NASP: variants seen among roughly 807,000 people sequenced by gnomAD.
The protein encoded by NASP is nuclear autoantigenic sperm protein.
In NASP, 24 loss-of-function variants were observed where a neutral mutation model predicts 89.5. That is an observed-to-expected ratio of 0.27 (90% CI 0.19 to 0.38). The LOEUF is 0.38. Among genes scored for constraint, NASP ranks in the 10% least tolerant of loss-of-function variants. The pLI, the probability that NASP is intolerant of heterozygous loss-of-function variation, is 1.00. For missense variants in NASP, 848 were observed against 921.4 expected, an observed-to-expected ratio of 0.92 and a Z score of 1.03; for synonymous variants, 306 against 324.7, an observed-to-expected ratio of 0.94 and a Z score of 0.62.
chr1:45,602,285 A>G lies in NASP; in HGVS notation c.138A>G (p.Leu46=), dbSNP rs1053790554. The change falls in exon 3 of 15, where the codon CTA becomes CTG. Residue 46 remains leucine, a synonymous_variant. Coordinates refer to ENST00000350030, the MANE Select transcript of NASP (RefSeq NM_002482.4). ...SLDVDSEAKK[L]LGLGQKHLVM... ...ATGTGGATAGTGAAGCTAAGAAACTATTGGGTTTAGGACAGAAACATCTGG... is the reference window on the plus strand; with the variant it reads ...ATGTGGATAGTGAAGCTAAGAAACTGTTGGGTTTAGGACAGAAACATCTGG... 5.0e-6 allele frequency: 8 copies of G among 1,613,526 alleles called. No homozygotes were observed. The highest frequency in any genetic ancestry group is 2.7e-5 in the African/African-American group (2 of 74,916).
At chr1:45,585,443 G>T (rs931260873) in intron 1 of NASP, among the ~76,000 whole-genome samples, 2 of 152,078 alleles carry the variant, frequency 1.3e-5, no homozygotes, top group African/African-American at 2.4e-5. Context: ...CTGCGTTCTT[G>T]TAGAGCAGTG....
intron 1 of NASP, among the ~76,000 whole-genome samples, chr1:45,584,853 C>T (rs987858780): frequency 6.6e-6 from 1 of 152,210 alleles, no homozygotes; most frequent in African/African-American, 2.4e-5. Context: ...GGCTAGTTCC[C>T]CCCGACACCT....
intron 2 of NASP, among the ~76,000 whole-genome samples, chr1:45,593,522 G>A (rs1274606026): frequency 1.7e-5 from 2 of 119,950 alleles, no homozygotes; most frequent in African/African-American, 6.5e-5. Context: ...GACAGAGTGA[G>A]ACTGTCCCCC....
At chr1:45,617,971 T>C in intron 14 of NASP, 90 bp from the exon 15 acceptor site, 2 of 1,168,782 alleles carry the variant, frequency 1.7e-6, no homozygotes, top group Non-Finnish European at 2.5e-6. Flanking sequence ...GGGTGACTTG[T>C]ATATGCTTCC....
rs1557669211 is a variant in NASP at position 45,618,046 on chromosome 1, CTGTT to C, written c.2287-11_2287-8del. The C allele has an allele frequency of 1.3e-6, 2 of 1,592,032 alleles. No homozygotes were observed. The highest frequency in any genetic ancestry group is 2.3e-5 in the South Asian group (2 of 87,424). Reference sequence around the variant, plus strand: ...AACTAGGCTCACTCATGCCCAGGTTCTGTTTGTCTTCCAGGCTGAGAATCAGGCT... The same window carrying C: ...AACTAGGCTCACTCATGCCCAGGTTCTGTCTTCCAGGCTGAGAATCAGGCT... On this transcript the variant is annotated splice_polypyrimidine_tract_variant and intron_variant, in intron 14 of 14. Transcript: ENST00000350030.
intron 9 of NASP, 131 bp from the exon 10 acceptor site, chr1:45,614,882 G>A: frequency 3.7e-6 from 3 of 809,382 alleles, no homozygotes; most frequent in Non-Finnish European, 5.7e-6. Context: ...ATAGCCAAGG[G>A]TCCTGGAAAT....
intron 1 of NASP, among the ~76,000 whole-genome samples, chr1:45,588,467 C>G (rs1644589678): frequency 6.6e-6 from 1 of 152,034 alleles, no homozygotes; most frequent in African/African-American, 2.4e-5. Context: ...GCTGCTTAGC[C>G]TGGTCTCAAA....
At chr1:45,593,462 G>A (rs6680019) in intron 2 of NASP, among the ~76,000 whole-genome samples, 19,548 of 150,350 alleles carry the variant, frequency 0.13, 1,722 homozygotes, top group Middle Eastern at 0.2. Context: ...GAACCTGGGA[G>A]GTGGAGGTTG....
intron 9 of NASP, 86 bp downstream of exon 9, chr1:45,614,452 C>A: frequency 1.8e-6 from 2 of 1,087,202 alleles, no homozygotes; most frequent in Non-Finnish European, 2.8e-6. Context: ...CGAACTTGAT[C>A]TTTAAAAAGA....
At chr1:45,596,218 T>C (rs551357918) in intron 2 of NASP, among the ~76,000 whole-genome samples, 1 of 152,336 alleles carries the variant, frequency 6.6e-6, no homozygotes, top group Non-Finnish European at 1.5e-5. Flanking sequence ...TCTGATGAAA[T>C]TGATTTTTAA....
In NASP at chr1:45,608,208, G is replaced by A. The variant is rs1302120406; in HGVS notation, c.1297G>A (p.Glu433Lys). ...GACTAAGCTGTCTGTAGAAGAGTCTGAGGCAGCTGGAGATGGGGTTGATAC... is the reference window on the plus strand; with the variant it reads ...GACTAAGCTGTCTGTAGAAGAGTCTAAGGCAGCTGGAGATGGGGTTGATAC... ...EETKLSVEES[E>K]AAGDGVDTKV... Residue 433 changes from glutamate (E) to lysine (K), a missense_variant, in exon 6 of 15, where the codon GAG becomes AAG. Glu to Lys is a moderately conservative substitution (Grantham distance 56). Coordinates refer to ENST00000350030, the MANE Select transcript of NASP (RefSeq NM_002482.4). 1.2e-6 allele frequency: 2 copies of A among 1,614,080 alleles called. No individual in the cohort carries two copies. Among genetic ancestry groups the A allele is most frequent in the African/African-American group, 2.7e-5 (2 of 74,914 alleles).
rs953318490 is a variant in NASP at position 45,596,838 on chromosome 1, G to A, written c.108-5417G>A. Among the ~76,000 whole-genome samples the A allele has an allele frequency of 1.4e-4, 21 of 151,882 alleles. 1 individual carries two copies. Among genetic ancestry groups the A allele is most frequent in the South Asian group, 6.2e-4 (3 of 4,816 alleles). On this transcript the variant is annotated intron_variant, in intron 2 of 14. Coordinates refer to ENST00000350030, the MANE Select transcript of NASP (RefSeq NM_002482.4). ...CTCTAGTAAAAATACAAAAATTAGC[G>A]GGGCATGGTGGCATGTCCCTGTAAT... is the stretch of plus-strand genomic sequence containing the variant.
At position 45,615,467 on chromosome 1, in the gene NASP, C is replaced by G; in HGVS notation, c.2018C>G (p.Thr673Ser). The G allele has an allele frequency of 6.2e-7, 1 of 1,610,494 alleles. No homozygotes were observed. The highest frequency in any genetic ancestry group is 8.5e-7 in the Non-Finnish European group (1 of 1,179,030). ...GNVAELALKA[T>S]LVESSTSGFT... is the part of the protein sequence containing the mutation. ...GTAGCTGAACTGGCTCTGAAAGCTA[C>G]TCTGGTTGGTTCCGTTAACATTTTG... Residue 673 changes from threonine to serine, a missense_variant, in exon 11 of 15, where the codon ACT becomes AGT. Thr to Ser is a moderately conservative substitution (Grantham distance 58). Transcript: ENST00000350030.
rs143419396 is a variant in NASP at position 45,617,543 on chromosome 1, G to A, written c.2238G>A (p.Gly746=). Residue 746 remains glycine, a synonymous_variant, in exon 14 of 15, where the codon GGG becomes GGA. Transcript: ENST00000350030. ...AGCCGGAGGTGAACGGAGGCAGTGG[G>A]GATGCTGTCCCCAGTGGAAATGAAG... ...KQEPEVNGGS[G]DAVPSGNEVS... is the part of the protein sequence containing the mutation. 318 of 1,609,224 alleles carry A rather than the reference G, an allele frequency of 2.0e-4. No individual in the cohort carries two copies. Among genetic ancestry groups the A allele is most frequent in the South Asian group, 6.6e-5 (6 of 90,454 alleles).
At position 45,617,582 on chromosome 1, in the gene NASP, G is replaced by C. The variant is rs780440653; in HGVS notation, c.2277G>C (p.Met759Ile). The change falls in exon 14 of 15, where the codon ATG becomes ATC. Residue 759 changes from methionine (M) to isoleucine (I), a missense_variant. By Grantham distance (10) the Met-to-Ile change is conservative. Coordinates refer to ENST00000350030, the MANE Select transcript of NASP (RefSeq NM_002482.4). ...GTGGAAATGAAGTTTCGGAAAACAT[G>C]GAGGAGGAGGTGGGCAGTTAAGCAG... ...VPSGNEVSEN[M>I]EEEAENQAES... The C allele has an allele frequency of 6.3e-7, 1 of 1,591,084 alleles. No individual in the cohort carries two copies. The highest frequency in any genetic ancestry group is 2.2e-5 in the East Asian group (1 of 44,734).
At chr1:45,597,021 A>G (rs1462743503) in intron 2 of NASP, among the ~76,000 whole-genome samples, 1 of 151,780 alleles carries the variant, frequency 6.6e-6, no homozygotes, top group Admixed American at 6.6e-5. Flanking sequence ...AGAAATTACC[A>G]CTTGTTGGCT....
At position 45,615,004 on chromosome 1, in the gene NASP, CTT is replaced by C; in HGVS notation, c.1667-7_1667-6del. The C allele has an allele frequency of 1.2e-6, 2 of 1,602,974 alleles. No homozygotes were observed. The highest frequency in any genetic ancestry group is 1.3e-5 in the African/African-American group (1 of 74,398). On this transcript the variant is annotated splice_region_variant and splice_polypyrimidine_tract_variant and intron_variant, in intron 9 of 14. Coordinates refer to ENST00000350030, the MANE Select transcript of NASP (RefSeq NM_002482.4). ...TCCATTTACTTGCTCTTCTTTTTCT[CTT>C]TGTTAGAAAACTATGTGCAAGCTGT...
chr1:45,600,755 G>A (rs891483621), intron 2 of NASP, among the ~76,000 whole-genome samples: 2 of 152,138 alleles, frequency 1.3e-5, no homozygotes, highest in East Asian at 1.9e-4. Flanking sequence ...TTTAAGAAAC[G>A]TCCAAACTGT....
chr1:45,587,879 G>C (rs900080488), intron 1 of NASP, among the ~76,000 whole-genome samples: 1 of 150,440 alleles, frequency 6.6e-6, no homozygotes, highest in Non-Finnish European at 1.5e-5. Flanking sequence ...GCTTGAAACC[G>C]GGAGGCAGAG....
Sources: allele counts gnomAD v4.1 joint callset (sites outside exome capture counted in the v4.1 genomes callset), GRCh38; gene constraint gnomAD v4.1.1; transcripts MANE v1.5; gene names NCBI Gene and HGNC (gene_info 2026-07-23, HGNC 2026-07-21).